Variants in ZNF777 observed in about 807,000 individuals in gnomAD.
ZNF777 encodes zinc finger protein 777.
A neutral mutation model predicts 72.1 loss-of-function variants in ZNF777; 7 were observed. The ratio of observed to expected loss-of-function variants is 0.10; its 90% CI spans 0.06 to 0.18. The LOEUF is 0.18. ZNF777 is among the 10% of genes least tolerant of loss of function. ZNF777 has a pLI of 1.00. For synonymous variants in ZNF777, 545 were observed against 483.5 expected, an observed-to-expected ratio of 1.13 and a Z score of -1.67; for missense variants, 828 against 1,128.6, an observed-to-expected ratio of 0.73 and a Z score of 3.82.
At position 149,451,068 on chromosome 7, in the gene ZNF777, C is replaced by G. The variant is rs73166023; in HGVS notation, c.1018G>C (p.Gly340Arg). The change falls in exon 4 of 6, where the codon GGG becomes CGG. Residue 340 changes from glycine to arginine, a missense_variant. Transcript: ENST00000247930. ...TGCTCCTGCATGGTGGGCCGCTCCCCGCGCTCCATCTGTGACATGAGGTCT... is the reference window on the plus strand; with the variant it reads ...TGCTCCTGCATGGTGGGCCGCTCCCGGCGCTCCATCTGTGACATGAGGTCT... ...KPDLMSQMER[G>R]ERPTMQEQED... 5.0e-6 allele frequency: 8 copies of G among 1,613,906 alleles called. No homozygotes were observed. Among genetic ancestry groups the G allele is most frequent in the Non-Finnish European group, 6.8e-6 (8 of 1,180,026 alleles).
rs775559514 is a variant in ZNF777, at chr7:149,455,937, C to G, written c.86G>C (p.Arg29Pro). Residue 29 changes from arginine to proline, a missense_variant, in exon 2 of 6, where the codon CGA becomes CCA. Physicochemically the swap from Arg to Pro is moderately radical, Grantham distance 103 (BLOSUM62 -2). Around this residue, in one of 12 missense-constraint regions of ZNF777, gnomAD observed 222 missense variants for 211.2 expected, o/e 1.05. Transcript: ENST00000247930. The surrounding 1 kb of genome is among the most constrained non-coding windows in gnomAD (Gnocchi z 4.2). ...AACGCGGGATTGGAACAGAGTTTCT[C>G]GGGGGAGTCCAGCAGGGGCCTGACG... ...TLRQAPAGLP[R>P]ETLFQSRVLP... 1 of 1,613,306 alleles carries G rather than the reference C, an allele frequency of 6.2e-7. No homozygotes were observed. The highest frequency in any genetic ancestry group is 8.5e-7 in the Non-Finnish European group (1 of 1,179,832).
At chr7:149,434,319 T>C (rs1799376061) in intron 5 of ZNF777, among the ~76,000 whole-genome samples, 1 of 152,146 alleles carries the variant, frequency 6.6e-6, no homozygotes. Context: ...CTACAGCCAG[T>C]GAACTACAGT....
chr7:149,447,851 C>A (rs754776379), intron 4 of ZNF777, among the ~76,000 whole-genome samples: 1 of 151,992 alleles, frequency 6.6e-6, no homozygotes, highest in African/African-American at 2.4e-5. Context: ...AGCTGGTGCC[C>A]GTGCTTTCAT....
In ZNF777 at chr7:149,451,057, G is replaced by A. The variant is rs768097630; in HGVS notation, c.1029C>T (p.Pro343=). 2 of 1,613,932 alleles carry A rather than the reference G, an allele frequency of 1.2e-6. No homozygotes were observed. The highest frequency in any genetic ancestry group is 1.1e-5 in the South Asian group (1 of 91,080). ...LMSQMERGER[P]TMQEQEDSEE... ...CAGAGTCTTCCTGCTCCTGCATGGT[G>A]GGCCGCTCCCCGCGCTCCATCTGTG... The change falls in exon 4 of 6, where the codon CCC becomes CCT. Residue 343 remains proline, a synonymous_variant. Coordinates refer to ENST00000247930, the MANE Select transcript of ZNF777 (RefSeq NM_015694.3).
At chr7:149,454,374 C>T (rs1799781187) in intron 2 of ZNF777, 137 bp from the exon 3 acceptor site, 2 of 1,071,308 alleles carry the variant, frequency 1.9e-6, no homozygotes, top group South Asian at 3.2e-5. Flanking sequence ...CTGTCCTGGC[C>T]CCAAAGAGTG....
At chr7:149,433,367 C>T (rs1005168514) in intron 5 of ZNF777, among the ~76,000 whole-genome samples, 4 of 152,184 alleles carry the variant, frequency 2.6e-5, no homozygotes, top group Non-Finnish European at 5.9e-5. Flanking sequence ...ATTATATGAG[C>T]GATACACACC....
chr7:149,436,447 C>A lies in ZNF777; in HGVS notation c.1339+128G>T. ...ATACTCGAGGCCGTGCTTGGTAATT[C>A]TTTCCCACCTGTTGCCCCATCAGTG... is the stretch of plus-strand genomic sequence containing the variant. On this transcript the variant is annotated intron_variant, in intron 5 of 5. Coordinates refer to ENST00000247930, the MANE Select transcript of ZNF777 (RefSeq NM_015694.3). The surrounding 1 kb of genome is among the most constrained non-coding windows in gnomAD (Gnocchi z 5.0). 1 of 1,163,264 alleles carries A rather than the reference C, an allele frequency of 8.6e-7. No individual in the cohort carries two copies. The highest frequency in any genetic ancestry group is 1.2e-6 in the Non-Finnish European group (1 of 830,126). The allele number at this position is 1,163,264 out of a possible 1,614,324, so 72.1% of individuals were successfully genotyped here.
At chr7:149,437,799 CTTTTTCTTT>C (rs1799441630) in intron 4 of ZNF777, among the ~76,000 whole-genome samples, 1 of 115,654 alleles carries the variant, frequency 8.6e-6, no homozygotes, top group Non-Finnish European at 1.7e-5. Flanking sequence ...ATGTTTGTTT[CTTTTTCTTT>C]TTTTTTTTTT....
intron 4 of ZNF777, among the ~76,000 whole-genome samples, chr7:149,442,977 T>C (rs754839118): frequency 2.0e-5 from 3 of 152,202 alleles, no homozygotes; most frequent in Non-Finnish European, 4.4e-5. Context: ...GCATGTAAAT[T>C]GGCACAAGTG....
rs1263162478 is a variant in ZNF777 at position 149,460,112 on chromosome 7, G to A, written c.-16+703C>T. 2.0e-6 allele frequency: 2 copies of A among 981,818 alleles called. No individual in the cohort carries two copies. The highest frequency in any genetic ancestry group is 3.5e-5 in the African/African-American group (2 of 56,818). The allele number at this position is 981,818 out of a possible 1,614,324, so 60.8% of individuals were successfully genotyped here. On this transcript the variant is annotated intron_variant, in intron 1 of 5. Transcript: ENST00000247930. This position sits in a 1 kb window ranked among gnomAD's most constrained non-coding sequence, Gnocchi z 6.1. ...AGGCCGCGCGTCCGTGCGCGCGCGGGCCGCCCTCACAGGAGCCGGGGCCGC... is the reference window on the plus strand; with the variant it reads ...AGGCCGCGCGTCCGTGCGCGCGCGGACCGCCCTCACAGGAGCCGGGGCCGC...
chr7:149,450,531 G>A (rs1010764693), intron 4 of ZNF777, among the ~76,000 whole-genome samples: 1 of 152,132 alleles, frequency 6.6e-6, no homozygotes, highest in Non-Finnish European at 1.5e-5. Flanking sequence ...GGTCAGTCTC[G>A]CTGGGTGCAT....
At chr7:149,449,191 T>G (rs1356104187) in intron 4 of ZNF777, among the ~76,000 whole-genome samples, 2 of 152,210 alleles carry the variant, frequency 1.3e-5, no homozygotes, top group African/African-American at 4.8e-5. Context: ...TGCGGCCCAC[T>G]CTGAGGGGCA....
At chr7:149,441,655 T>G (rs2116580885) in intron 4 of ZNF777, among the ~76,000 whole-genome samples, 1 of 152,322 alleles carries the variant, frequency 6.6e-6, no homozygotes, top group South Asian at 2.1e-4. Context: ...TCATAAGAAC[T>G]CCTGTGGGGT....
At chr7:149,454,449 T>C (rs1010817689) in intron 2 of ZNF777, among the ~76,000 whole-genome samples, 25 of 152,346 alleles carry the variant, frequency 1.6e-4, no homozygotes, top group African/African-American at 5.3e-4. Context: ...CTCTAAAGCA[T>C]GGTCTGTGGA....
In ZNF777 at chr7:149,432,195, A is replaced by C; in HGVS notation, c.2077T>G (p.Ser693Ala). ...QRVHAGKHEV[S>A]FICSLCGKSF... Reference sequence around the variant, plus strand: ...TTGCCGCACAGGCTGCAGATGAAGGAGACCTCATGCTTGCCCGCGTGCACG... The same window carrying C: ...TTGCCGCACAGGCTGCAGATGAAGGCGACCTCATGCTTGCCCGCGTGCACG... The change falls in exon 6 of 6, where the codon TCC (serine) becomes GCC (alanine). Residue 693 changes from serine (S) to alanine (A), a missense_variant. Around this residue, in one of 12 missense-constraint regions of ZNF777, gnomAD observed 24 missense variants for 23.3 expected, o/e 1.03. Transcript: ENST00000247930. 1 of 1,602,588 alleles carries C rather than the reference A, an allele frequency of 6.2e-7. No homozygotes were observed.
chr7:149,441,087 A>G (rs1403222258), intron 4 of ZNF777, among the ~76,000 whole-genome samples: 1 of 152,194 alleles, frequency 6.6e-6, no homozygotes, highest in Non-Finnish European at 1.5e-5. Flanking sequence ...TCCACTTGCT[A>G]AACAGCAGGG....
chr7:149,459,634 C>A, intron 1 of ZNF777: 1 of 985,158 alleles, frequency 1.0e-6, no homozygotes, highest in Non-Finnish European at 1.2e-6. Flanking sequence ...TCTGGGGCTG[C>A]CGCACCGTGC....
At chr7:149,451,679 G>A (rs12673901) in intron 3 of ZNF777, among the ~76,000 whole-genome samples, 94,543 of 151,712 alleles carry the variant, frequency 0.62, 30,134 homozygotes, top group East Asian at 0.81. Flanking sequence ...CAACAAGAGT[G>A]AAACTCCGTC....
chr7:149,432,383 C>A lies in ZNF777; in HGVS notation c.1889G>T (p.Gly630Val). The part of the protein sequence containing the change: ...RPKSPSSGSG[G>V]GGPKPYKCPE... ...GCACTTGTAGGGCTTAGGGCCACCG[C>A]CGCCGCTACCAGAGCTGGGTGACTT... Residue 630 changes from glycine (G) to valine (V), a missense_variant, in exon 6 of 6, where the codon GGC (glycine) becomes GTC (valine). Around this residue, in one of 12 missense-constraint regions of ZNF777, gnomAD observed 100 missense variants for 106.2 expected, o/e 0.94. Transcript: ENST00000247930. The A allele has an allele frequency of 6.2e-7, 1 of 1,613,266 alleles. No homozygotes were observed. The highest frequency in any genetic ancestry group is 8.5e-7 in the Non-Finnish European group (1 of 1,179,982).
Sources: allele counts gnomAD v4.1 joint callset (sites outside exome capture counted in the v4.1 genomes callset), GRCh38; gene constraint gnomAD v4.1.1; regional missense constraint gnomAD v4.1.1; non-coding constraint Gnocchi (gnomAD v3.1); transcripts MANE v1.5; gene names NCBI Gene and HGNC (gene_info 2026-07-23, HGNC 2026-07-21).